The following RALYL variants were observed in gnomAD, a reference collection of about 807,000 sequenced individuals.
RALYL encodes the protein RNA-binding Raly-like protein.
Under a neutral mutation model 35.1 loss-of-function variants are expected in RALYL, and 29 were observed. The observed-to-expected ratio is 0.83, with a 90% CI of 0.61 to 1.13. RALYL has a LOEUF of 1.13. Among genes scored for constraint, RALYL ranks in the 50% most tolerant of loss-of-function variants. The probability of loss-of-function intolerance (pLI) is 0.00; values close to 1 mark genes in which losing one functional copy is unlikely to be tolerated. For synonymous variants in RALYL, 120 were observed against 127.6 expected (o/e 0.94, Z 0.40); for missense variants, 359 against 360.4 (o/e 1.00, Z 0.03).
At chr8:84,417,554 T>C (rs1333320341) in intron 1 of RALYL, among the ~76,000 whole-genome samples, 2 of 151,998 alleles carry the variant, frequency 1.3e-5, no homozygotes, top group East Asian at 3.9e-4. Flanking sequence ...TTTTATGATG[T>C]ACCTTCCTAG....
At chr8:84,669,534 T>C in intron 2 of RALYL, among the ~76,000 whole-genome samples, 1 of 130,050 alleles carries the variant, frequency 7.7e-6, no homozygotes. Flanking sequence ...TGTTCCCATC[T>C]TTATGTCCAT....
At chr8:84,806,707 A>T (rs1365841462) in intron 4 of RALYL, among the ~76,000 whole-genome samples, 1 of 152,186 alleles carries the variant, frequency 6.6e-6, no homozygotes, top group African/African-American at 2.4e-5. Context: ...GGATATTTTA[A>T]TTTATAGCTA....
chr8:84,345,496 T>C (rs1849674951), intron 1 of RALYL, among the ~76,000 whole-genome samples: 1 of 152,094 alleles, frequency 6.6e-6, no homozygotes, highest in Non-Finnish European at 1.5e-5. Flanking sequence ...TGCCCCAGGG[T>C]TATCTTTAGA....
intron 1 of RALYL, among the ~76,000 whole-genome samples, chr8:84,422,912 G>A (rs1563898964): frequency 6.7e-6 from 1 of 148,216 alleles, no homozygotes; most frequent in Admixed American, 6.7e-5. Flanking sequence ...TGGTCTGAGA[G>A]ATAGTTTGTT....
At chr8:84,625,170 C>A (rs1822452630) in intron 2 of RALYL, among the ~76,000 whole-genome samples, 1 of 152,128 alleles carries the variant, frequency 6.6e-6, no homozygotes, top group Non-Finnish European at 1.5e-5. Flanking sequence ...TTCAATTTCA[C>A]AGTCCTTAAT....
At chr8:84,638,866 G>T (rs918936955) in intron 2 of RALYL, among the ~76,000 whole-genome samples, 1 of 54,822 alleles carries the variant, frequency 1.8e-5, no homozygotes. Flanking sequence ...TCTAATGCAC[G>T]CATAAATATA....
chr8:84,342,171 A>G (rs1848904835), intron 1 of RALYL, among the ~76,000 whole-genome samples: 1 of 149,468 alleles, frequency 6.7e-6, no homozygotes, highest in Non-Finnish European at 1.5e-5. Flanking sequence ...TAATTCAGAA[A>G]ATAAAAAGGA....
At chr8:84,283,185 A>G (rs1341600562) in intron 1 of RALYL, among the ~76,000 whole-genome samples, 1 of 151,336 alleles carries the variant, frequency 6.6e-6, no homozygotes. Context: ...TGAGTTATGT[A>G]TAATGTTGAG....
intron 2 of RALYL, among the ~76,000 whole-genome samples, chr8:84,609,822 T>C (rs1245736908): frequency 6.6e-6 from 1 of 151,892 alleles, no homozygotes; most frequent in Non-Finnish European, 1.5e-5. Flanking sequence ...AGGAAAGAGG[T>C]TTAATGGACT....
rs577150562 is a variant in RALYL at position 84,484,010 on chromosome 8, C to T, written c.-23-45289C>T. Among the ~76,000 whole-genome samples, 26 of 151,952 alleles carry T rather than the reference C, an allele frequency of 1.7e-4. No individual in the cohort carries two copies. The South Asian group carries it at 4.0e-3, about 23-fold the overall frequency. ...TTAAATTAAGATGTGTTTTTAAAAT[C>T]GGCACATGTTTAATGCAGCTTTTCT... On this transcript the variant is annotated intron_variant, in intron 1 of 8. Coordinates refer to ENST00000521268, the MANE Select transcript of RALYL (RefSeq NM_173848.7).
At chr8:84,623,830 C>T (rs370136992) in intron 2 of RALYL, among the ~76,000 whole-genome samples, 2 of 152,068 alleles carry the variant, frequency 1.3e-5, no homozygotes, top group Non-Finnish European at 2.9e-5. Flanking sequence ...AATCAAAGAG[C>T]ATGGAATCCA....
chr8:84,413,086 A>C (rs1400959650), intron 1 of RALYL, among the ~76,000 whole-genome samples: 2 of 150,276 alleles, frequency 1.3e-5, no homozygotes, highest in African/African-American at 4.9e-5. Flanking sequence ...TTATAATATT[A>C]ATTTTATATA....
chr8:84,786,291 G>A (rs1453552648), intron 3 of RALYL, among the ~76,000 whole-genome samples: 1 of 152,144 alleles, frequency 6.6e-6, no homozygotes, highest in Non-Finnish European at 1.5e-5. Flanking sequence ...ATGAACATAT[G>A]TGTGCATGTA....
intron 2 of RALYL, among the ~76,000 whole-genome samples, chr8:84,755,683 A>G (rs1811219036): frequency 6.6e-6 from 1 of 151,980 alleles, no homozygotes; most frequent in Non-Finnish European, 1.5e-5. Flanking sequence ...TTGTTTCTTA[A>G]TATTTAATCA....
At chr8:84,902,360 A>T (rs1845838092) in intron 8 of RALYL, among the ~76,000 whole-genome samples, 3 of 152,176 alleles carry the variant, frequency 2.0e-5, no homozygotes, top group Non-Finnish European at 4.4e-5. Context: ...CAGCACCAAG[A>T]GGATGGTGCT....
At chr8:84,536,945 GC>G (rs2059651641) in intron 2 of RALYL, among the ~76,000 whole-genome samples, 1 of 151,940 alleles carries the variant, frequency 6.6e-6, no homozygotes, top group East Asian at 1.9e-4. Context: ...CATCATTCTA[GC>G]TTTTTCCACT....
intron 1 of RALYL, among the ~76,000 whole-genome samples, chr8:84,301,752 G>A (rs150755105): frequency 0.015 from 2,217 of 151,956 alleles, 29 homozygotes; most frequent in Middle Eastern, 0.024. Flanking sequence ...ATATTATTTA[G>A]TGCATTATAA....
At chr8:84,284,633 C>G (rs570264516) in intron 1 of RALYL, among the ~76,000 whole-genome samples, 1 of 152,064 alleles carries the variant, frequency 6.6e-6, no homozygotes, top group Non-Finnish European at 1.5e-5. Flanking sequence ...ATTCATAGAC[C>G]ATTGGCAGTG....
intron 1 of RALYL, among the ~76,000 whole-genome samples, chr8:84,457,560 C>G (rs1587442002): frequency 6.6e-6 from 1 of 151,946 alleles, no homozygotes; most frequent in South Asian, 2.1e-4. Context: ...AATTGAATCA[C>G]TTTCTGATTG....
Sources: gnomAD v4.1 joint callset for allele counts (sites outside exome capture counted in the v4.1 genomes callset) on GRCh38, gnomAD v4.1.1 for gene constraint, MANE v1.5 for transcripts, NCBI Gene and HGNC (gene_info 2026-07-23, HGNC 2026-07-21) for gene names.